The following LRPPRC variants were observed in gnomAD, a reference collection of about 807,000 sequenced individuals.
LRPPRC encodes leucine rich pentatricopeptide repeat containing, also known as leucine-rich PPR motif-containing protein, mitochondrial.
Under a neutral mutation model 180.3 loss-of-function variants are expected in LRPPRC, and 120 were observed. That is an observed-to-expected ratio of 0.67 (90% CI 0.57 to 0.77). The LOEUF is 0.77. LRPPRC is among the 30% of genes least tolerant of loss of function. The pLI is 0.00. For synonymous variants in LRPPRC, 723 were observed against 600.0 expected (o/e 1.21, Z -3.00); for missense variants, 2,012 against 1,657.2 (o/e 1.21, Z -3.72).
intron 3 of LRPPRC, among the ~76,000 whole-genome samples, chr2:43,979,243 C>T (rs986126166): frequency 1.3e-5 from 2 of 152,068 alleles, no homozygotes; most frequent in Non-Finnish European, 2.9e-5. Context: ...TACACATGCA[C>T]GTGTAAAAAC....
chr2:43,960,462 T>G (rs1351750044), intron 13 of LRPPRC, 79 bp downstream of exon 13: 1 of 826,922 alleles, frequency 1.2e-6, no homozygotes, highest in Non-Finnish European at 2.1e-6. Flanking sequence ...TTGCTTTCAT[T>G]GCGTGAACCA....
rs895981494 is a variant in LRPPRC at position 43,891,205 on chromosome 2, G to A, written c.3986-1329C>T. Among the ~76,000 whole-genome samples the A allele has an allele frequency of 4.6e-5, 7 of 152,298 alleles. No homozygotes were observed. The South Asian group carries it at 8.3e-4, about 18-fold the overall frequency. On this transcript the variant is annotated intron_variant, in intron 36 of 37. Coordinates refer to ENST00000260665, the MANE Select transcript of LRPPRC (RefSeq NM_133259.4). Reference sequence around the variant, plus strand: ...GCTCTATCTTCTAGGAAGCTGCTCCGAAAATTCTGGCATCTTGCCTTTCTT... The same window carrying A: ...GCTCTATCTTCTAGGAAGCTGCTCCAAAAATTCTGGCATCTTGCCTTTCTT...
chr2:43,987,448 T>C (rs11124959), intron 1 of LRPPRC, among the ~76,000 whole-genome samples: 59,240 of 138,906 alleles, frequency 0.43, 12,869 homozygotes, highest in Middle Eastern at 0.51. Flanking sequence ...TGAGCCGAGA[T>C]AGCGTCACTG....
chr2:43,932,485 G>A (rs535604809), intron 25 of LRPPRC, among the ~76,000 whole-genome samples: 2 of 152,194 alleles, frequency 1.3e-5, no homozygotes, highest in Admixed American at 6.5e-5. Flanking sequence ...CACCTACTAC[G>A]AAAATTCTGT....
intron 2 of LRPPRC, among the ~76,000 whole-genome samples, chr2:43,981,035 T>C (rs1423845845): frequency 6.6e-6 from 1 of 152,172 alleles, no homozygotes; most frequent in Non-Finnish European, 1.5e-5. Context: ...TGAGTGTGTC[T>C]GAAACCCACG....
At chr2:43,994,388 T>C (rs2103790170) in intron 1 of LRPPRC, among the ~76,000 whole-genome samples, 1 of 152,336 alleles carries the variant, frequency 6.6e-6, no homozygotes, top group East Asian at 1.9e-4. Context: ...TAACCGTAGA[T>C]ATTATGACTC....
chr2:43,895,919 AT>A lies in LRPPRC; in HGVS notation c.3900+714del, dbSNP rs1341536920. 2.6e-5 allele frequency among the ~76,000 whole-genome samples: 4 copies of A among 151,968 alleles called. No homozygotes were observed. The South Asian group carries it at 8.3e-4, about 32-fold the overall frequency. On this transcript the variant is annotated intron_variant, in intron 35 of 37. Coordinates refer to ENST00000260665, the MANE Select transcript of LRPPRC (RefSeq NM_133259.4). Reference sequence around the variant, plus strand: ...ATATACCTACTATGTACCCACAGAAATTTTTTTTTAAAAAATTTTTTCAAAA... The same window carrying A: ...ATATACCTACTATGTACCCACAGAAATTTTTTTTAAAAAATTTTTTCAAAA...
intron 1 of LRPPRC, among the ~76,000 whole-genome samples, chr2:43,994,726 T>C (rs1189567808): frequency 6.6e-6 from 1 of 152,182 alleles, no homozygotes; most frequent in South Asian, 2.1e-4. Flanking sequence ...GCTCAGCACC[T>C]ATCTCCCCTT....
At chr2:43,928,813 T>A (rs909237096) in intron 25 of LRPPRC, among the ~76,000 whole-genome samples, 2 of 151,986 alleles carry the variant, frequency 1.3e-5, no homozygotes, top group African/African-American at 4.8e-5. Flanking sequence ...ACCGTCCAAG[T>A]ACAACTGACC....
intron 5 of LRPPRC, 116 bp downstream of exon 5, chr2:43,976,878 C>T: frequency 1.3e-6 from 1 of 794,852 alleles, no homozygotes; most frequent in Non-Finnish European, 2.1e-6. Context: ...TAGATTAAAA[C>T]AGTTCTGAAA....
At chr2:43,923,025 T>G (rs1447382260) in intron 27 of LRPPRC, among the ~76,000 whole-genome samples, 1 of 151,826 alleles carries the variant, frequency 6.6e-6, no homozygotes, top group Non-Finnish European at 1.5e-5. Context: ...AACTATTGAC[T>G]CAAATACAAC....
chr2:43,956,041 C>A (rs1673100255), intron 14 of LRPPRC, among the ~76,000 whole-genome samples: 1 of 148,142 alleles, frequency 6.8e-6, no homozygotes. Flanking sequence ...AGTACTATTG[C>A]TAAAAATGCT....
In LRPPRC at chr2:43,984,778, C is replaced by T. The variant is rs961000048; in HGVS notation, c.150-2344G>A. On this transcript the variant is annotated intron_variant, in intron 1 of 37. Transcript: ENST00000260665. ...CCAGGCTTGCACAAGCTGGAGCTCA[C>T]TGCCTCCAAATGCTAAGGACCAAAA... Among the ~76,000 whole-genome samples, 5 of 152,274 alleles carry T rather than the reference C, an allele frequency of 3.3e-5. No homozygotes were observed. In the South Asian group the frequency reaches 8.3e-4, roughly 25 times the overall value.
At position 43,889,883 on chromosome 2, in the gene LRPPRC, T is replaced by TAAAG. The variant is rs764564351; in HGVS notation, c.3986-11_3986-8dup. ...GTGACATCTTTCTCTGAGACTGACA[T>TAAAG]AAAGAAAAAAATATATTAATCAGAG... On this transcript the variant is annotated splice_region_variant and splice_polypyrimidine_tract_variant and intron_variant, in intron 36 of 37. Transcript: ENST00000260665. 6.7e-5 allele frequency: 107 copies of TAAAG among 1,597,646 alleles called. 1 individual carries two copies. In the African/African-American group the frequency reaches 1.3e-3, roughly 20 times the overall value.
chr2:43,990,630 C>T (rs926412456), intron 1 of LRPPRC, among the ~76,000 whole-genome samples: 6 of 152,310 alleles, frequency 3.9e-5, no homozygotes, highest in Middle Eastern at 3.4e-3. Context: ...ATATCCACTA[C>T]CATGTGTCCT....
At chr2:43,992,739 T>C (rs1310994823) in intron 1 of LRPPRC, among the ~76,000 whole-genome samples, 1 of 152,132 alleles carries the variant, frequency 6.6e-6, no homozygotes, top group Admixed American at 6.6e-5. Flanking sequence ...AGGATCTTTC[T>C]GGAAGGCAGG....
Position 43,950,575 on chromosome 2 carries a change from C to A in LRPPRC, c.1675G>T (p.Glu559Ter). ...RRSMNINLWS[E>*]ITELLYKDGR... Reference sequence around the variant, plus strand: ...TTTGCAATATTAGAGGGACTTACCTCGCTCCAAAGATTTATATTCATAGAC... The same window carrying A: ...TTTGCAATATTAGAGGGACTTACCTAGCTCCAAAGATTTATATTCATAGAC... Residue 559 changes from glutamate to a stop codon, truncating the protein, a stop_gained and splice_region_variant, in exon 15 of 38, where the codon GAG (glutamate) becomes TAG (stop). Transcript: ENST00000260665. LOFTEE classifies it high-confidence loss of function. The A allele has an allele frequency of 6.2e-7, 1 of 1,613,370 alleles. No homozygotes were observed. Among genetic ancestry groups the A allele is most frequent in the Non-Finnish European group, 8.5e-7 (1 of 1,179,446 alleles).
Position 43,912,541 on chromosome 2 carries a change from G to C in LRPPRC, c.3166C>G (p.Leu1056Val). ...NQKKGAYDIF[L>V]NAKEQNIVFN... is the part of the protein sequence containing the mutation. ...ACAATGTTTTGCTCTTTTGCATTCA[G>C]GAAAATATCATATGCCCCTATGAGA... is the stretch of plus-strand genomic sequence containing the variant. Residue 1056 changes from leucine (L) to valine (V), a missense_variant, in exon 30 of 38, where the codon CTG becomes GTG. Coordinates refer to ENST00000260665, the MANE Select transcript of LRPPRC (RefSeq NM_133259.4). 1 of 1,609,416 alleles carries C rather than the reference G, an allele frequency of 6.2e-7. No homozygotes were observed. The highest frequency in any genetic ancestry group is 8.5e-7 in the Non-Finnish European group (1 of 1,176,180).
intron 23 of LRPPRC, among the ~76,000 whole-genome samples, chr2:43,943,243 A>T (rs1428583551): frequency 1.3e-5 from 2 of 152,046 alleles, no homozygotes; most frequent in Non-Finnish European, 2.9e-5. Flanking sequence ...CATCTCCTAC[A>T]ACATTTATCA....
Sources: gnomAD v4.1 joint callset for allele counts (sites outside exome capture counted in the v4.1 genomes callset) on GRCh38, gnomAD v4.1.1 for gene constraint, MANE v1.5 for transcripts, NCBI Gene and HGNC (gene_info 2026-07-23, HGNC 2026-07-21) for gene names.